Variants in ZNF732 observed in about 807,000 individuals in gnomAD.
ZNF732 encodes the protein zinc finger protein 732.
Under a neutral mutation model 11.5 loss-of-function variants are expected in ZNF732, and 12 were observed. That is an observed-to-expected ratio of 1.05 (90% CI 0.67 to 1.70). The LOEUF is 1.70. Ranked by LOEUF, ZNF732 falls within the 40% of genes most tolerant of loss-of-function variation. The probability of loss-of-function intolerance (pLI) is 0.00; values close to 1 mark genes in which losing one functional copy is unlikely to be tolerated. For synonymous variants in ZNF732, 231 were observed against 236.5 expected, an observed-to-expected ratio of 0.98 and a Z score of 0.21; for missense variants, 702 against 676.9, an observed-to-expected ratio of 1.04 and a Z score of -0.41.
intron 1 of ZNF732, among the ~76,000 whole-genome samples, chr4:298,863 T>C (rs1276942392): frequency 1.3e-5 from 2 of 152,152 alleles, no homozygotes; most frequent in Non-Finnish European, 2.9e-5. Context: ...GGCCCTGAAC[T>C]CCCACTGCTA....
chr4:299,553 G>GTATATATATAGTTT (rs1332301446), intron 1 of ZNF732, among the ~76,000 whole-genome samples: 29 of 123,272 alleles, frequency 2.4e-4, no homozygotes, highest in African/African-American at 9.0e-4. Context: ...ACATATATAT[G>GTATATATATAGTTT]TATATATATA....
chr4:291,871 T>TAA (rs1719848112), intron 3 of ZNF732, among the ~76,000 whole-genome samples: 1 of 151,970 alleles, frequency 6.6e-6, no homozygotes, highest in Non-Finnish European at 1.5e-5. Context: ...AATACAGATA[T>TAA]AAAAAAACCA....
chr4:272,188 G>A lies in ZNF732; in HGVS notation c.669C>T (p.Phe223=). ...YEIIHTGEKP[F]TCEECGNIFT... ...AGATGTTGCCACATTCTTCACATGT[G>A]AAGGGTTTCTCTCCAGTATGAATTA... The change falls in exon 4 of 4, where the codon TTC becomes TTT. Residue 223 remains phenylalanine (F), a synonymous_variant. Coordinates refer to ENST00000419098, the MANE Select transcript of ZNF732 (RefSeq NM_001137608.3). 1 of 1,613,304 alleles carries A rather than the reference G, an allele frequency of 6.2e-7. No individual in the cohort carries two copies. Among genetic ancestry groups the A allele is most frequent in the Non-Finnish European group, 8.5e-7 (1 of 1,179,616 alleles).
At chr4:299,495 GTATA>G (rs1167820871) in intron 1 of ZNF732, among the ~76,000 whole-genome samples, 4 of 49,696 alleles carry the variant, frequency 8.0e-5, no homozygotes, top group Non-Finnish European at 1.5e-4. Flanking sequence ...ACATATGTGT[GTATA>G]TATACACACA....
At chr4:299,504 CACACAT>C (rs1720060336) in intron 1 of ZNF732, among the ~76,000 whole-genome samples, 1 of 78,538 alleles carries the variant, frequency 1.3e-5, no homozygotes, top group African/African-American at 5.3e-5. Context: ...TGTATATATA[CACACAT>C]ATACGTATAT....
At chr4:280,436 C>A (rs1475882129) in intron 3 of ZNF732, among the ~76,000 whole-genome samples, 2 of 151,988 alleles carry the variant, frequency 1.3e-5, no homozygotes, top group Non-Finnish European at 2.9e-5. Context: ...AAAAAATTAG[C>A]CGGGTGTGGT....
At position 271,967 on chromosome 4, in the gene ZNF732, TTA is replaced by T; in HGVS notation, c.888_889del (p.His296GlnfsTer20). On this transcript the variant is annotated frameshift_variant, in exon 4 of 4. Coordinates refer to ENST00000419098, the MANE Select transcript of ZNF732 (RefSeq NM_001137608.3). LOFTEE classifies it low-confidence loss of function (END_TRUNC). Reference sequence around the variant, plus strand: ...GAGTTTCTCTCCGGTATGAATTTTCTTATGTTTGGCAACATTTGAGGATGAGG... The same window carrying T: ...GAGTTTCTCTCCGGTATGAATTTTCTTGTTTGGCAACATTTGAGGATGAGG... The T allele has an allele frequency of 6.2e-7, 1 of 1,607,494 alleles. No homozygotes were observed.
At chr4:296,805 G>A (rs1719962507) in intron 1 of ZNF732, among the ~76,000 whole-genome samples, 1 of 152,072 alleles carries the variant, frequency 6.6e-6, no homozygotes, top group African/African-American at 2.4e-5. Flanking sequence ...GCTAGAGAAA[G>A]CAGGCACAGC....
chr4:279,065 C>T (rs781851794), intron 3 of ZNF732, among the ~76,000 whole-genome samples: 4 of 152,020 alleles, frequency 2.6e-5, no homozygotes, highest in South Asian at 4.1e-4. Flanking sequence ...TCTCCCCTCA[C>T]GCGTTTCCCG....
At chr4:274,881 C>G (rs996029782) in intron 3 of ZNF732, among the ~76,000 whole-genome samples, 35 of 151,394 alleles carry the variant, frequency 2.3e-4, no homozygotes, top group African/African-American at 8.2e-4. Flanking sequence ...GTGTGTGTGT[C>G]TCCCCCACAT....
intron 1 of ZNF732, among the ~76,000 whole-genome samples, chr4:299,461 G>GTA (rs61392588): frequency 0.68 from 56,810 of 83,248 alleles, 19,092 homozygotes; most frequent in Non-Finnish European, 0.74. Context: ...ACACATATGT[G>GTA]TATATATATA....
At chr4:294,709 G>C (rs1214871180) in intron 3 of ZNF732, among the ~76,000 whole-genome samples, 2 of 152,132 alleles carry the variant, frequency 1.3e-5, no homozygotes, top group African/African-American at 4.8e-5. Context: ...GCTATCATTA[G>C]TATTAATGTA....
Position 272,541 on chromosome 4 carries a change from A to T in ZNF732, c.316T>A (p.Cys106Ser). Reference sequence around the variant, plus strand: ...CTTAATTCTAAATTCTCATGTCCACATTTCTCATATCTTCTTAATATAAGT... The same window carrying T: ...CTTAATTCTAAATTCTCATGTCCACTTTTCTCATATCTTCTTAATATAAGT... ...HKLILRRYEK[C>S]GHENLELRKS... is the part of the protein sequence containing the mutation. The change falls in exon 4 of 4, where the codon TGT (cysteine) becomes AGT (serine). Residue 106 changes from cysteine (C) to serine (S), a missense_variant. By Grantham distance (112) the Cys-to-Ser change is moderately radical (BLOSUM62 -1). Coordinates refer to ENST00000419098, the MANE Select transcript of ZNF732 (RefSeq NM_001137608.3). 6.2e-7 allele frequency: 1 copy of T among 1,603,244 alleles called. No individual in the cohort carries two copies. The highest frequency in any genetic ancestry group is 8.5e-7 in the Non-Finnish European group (1 of 1,174,808).
At chr4:277,642 C>T (rs781855503) in intron 3 of ZNF732, among the ~76,000 whole-genome samples, 5 of 151,550 alleles carry the variant, frequency 3.3e-5, no homozygotes, top group African/African-American at 9.7e-5. Context: ...AAAGGAAACA[C>T]GGTAAAACTG....
At chr4:273,836 C>A (rs1719438958) in intron 3 of ZNF732, among the ~76,000 whole-genome samples, 1 of 145,094 alleles carries the variant, frequency 6.9e-6, no homozygotes, top group Non-Finnish European at 1.5e-5. Flanking sequence ...TATTTCGCAA[C>A]AGAAAGAATT....
rs1553841508 is a variant in ZNF732 at position 292,686 on chromosome 4, A to G, written c.226+2752T>C. Among the ~76,000 whole-genome samples the G allele has an allele frequency of 2.6e-5, 4 of 151,850 alleles. No individual in the cohort carries two copies. In the South Asian group the frequency reaches 8.3e-4, roughly 32 times the overall value. On this transcript the variant is annotated intron_variant, in intron 3 of 3. Transcript: ENST00000419098. ...AAGGTTAGATTTTTTCCCCCCAAAG[A>G]AGACATACATACAAGGTAAGTGCTA...
At chr4:295,663 A>G in intron 2 of ZNF732, 130 bp from the exon 3 acceptor site, 1 of 817,304 alleles carries the variant, frequency 1.2e-6, no homozygotes, top group Non-Finnish European at 1.9e-6. Context: ...TTCCTGGCAG[A>G]ATCTTTAAAA....
intron 3 of ZNF732, among the ~76,000 whole-genome samples, chr4:273,626 A>G (rs950416665): frequency 6.6e-6 from 1 of 151,870 alleles, no homozygotes; most frequent in Non-Finnish European, 1.5e-5. Flanking sequence ...GAAATTTTCA[A>G]GTTAAAAAAG....
At chr4:293,632 G>C (rs1384066051) in intron 3 of ZNF732, among the ~76,000 whole-genome samples, 1 of 151,976 alleles carries the variant, frequency 6.6e-6, no homozygotes, top group East Asian at 1.9e-4. Context: ...TAGCAAAATA[G>C]CATTGTTTAT....
Sources: allele counts gnomAD v4.1 joint callset (sites outside exome capture counted in the v4.1 genomes callset), GRCh38; gene constraint gnomAD v4.1.1; transcripts MANE v1.5; gene names NCBI Gene and HGNC (gene_info 2026-07-23, HGNC 2026-07-21).